The following PTPRS variants were observed in gnomAD, a reference collection of about 807,000 sequenced individuals.
PTPRS encodes receptor-type tyrosine-protein phosphatase S.
PTPRS carries 63 observed loss-of-function variants against 215.3 expected under a neutral mutation model. That is an observed-to-expected ratio of 0.29 (90% confidence interval 0.24 to 0.36). The LOEUF (loss-of-function observed/expected upper bound fraction) is 0.36, where lower values mean the gene tolerates loss of function less well. Among genes scored for constraint, PTPRS ranks in the 10% least tolerant of loss-of-function variants. PTPRS has a pLI of 1.00. For synonymous variants in PTPRS, 1,404 were observed against 1,191.4 expected (o/e 1.18, Z -3.68); for missense variants, 2,258 against 2,825.8 (o/e 0.80, Z 4.56).
intron 2 of PTPRS, among the ~76,000 whole-genome samples, chr19:5,284,792 A>T (rs28452925): frequency 0.16 from 24,039 of 151,770 alleles, 2,217 homozygotes; most frequent in African/African-American, 0.23. Flanking sequence ...ACAAAAAATT[A>T]AAAAAATTAG....
At chr19:5,253,046 G>A (rs1471266794) in intron 9 of PTPRS, among the ~76,000 whole-genome samples, 1 of 152,078 alleles carries the variant, frequency 6.6e-6, no homozygotes, top group Non-Finnish European at 1.5e-5. Context: ...ACTACCTTTA[G>A]CCACTAACTC....
chr19:5,222,613 G>A, intron 18 of PTPRS, 76 bp downstream of exon 18: 2 of 1,398,028 alleles, frequency 1.4e-6, no homozygotes, highest in Non-Finnish European at 1.9e-6. Context: ...CCTGGGCAGG[G>A]GAGAGGGAGG....
chr19:5,215,444 G>C, intron 27 of PTPRS, 32 bp from the exon 28 acceptor site: 2 of 1,611,310 alleles, frequency 1.2e-6, no homozygotes. Context: ...CGGGTGTCAG[G>C]GTAGGTGCCT....
chr19:5,291,986 A>G lies in PTPRS; in HGVS notation c.-94-5752T>C, dbSNP rs2048859739. Among the ~76,000 whole-genome samples, 6 of 151,390 alleles carry G rather than the reference A, an allele frequency of 4.0e-5. 1 individual carries two copies. The highest frequency in any genetic ancestry group is 1.5e-4 in the African/African-American group (6 of 41,150). On this transcript the variant is annotated intron_variant, in intron 1 of 37. Coordinates refer to ENST00000262963, the MANE Select transcript of PTPRS (RefSeq NM_002850.4). ...CCTTCCACCCAGCATACCCTTTCACATCCTCATCAAATCTCAGCCCTCATA... is the reference window on the plus strand; with the variant it reads ...CCTTCCACCCAGCATACCCTTTCACGTCCTCATCAAATCTCAGCCCTCATA...
rs745926631 is a variant in PTPRS at position 5,258,006 on chromosome 19, G to A, written c.706+11C>T. 2.6e-5 allele frequency: 42 copies of A among 1,610,310 alleles called. No homozygotes were observed. Among genetic ancestry groups the A allele is most frequent in the Non-Finnish European group, 3.0e-5 (35 of 1,177,360 alleles). On this transcript the variant is annotated intron_variant, in intron 8 of 37. Transcript: ENST00000262963. Reference sequence around the variant, plus strand: ...GGTCCCTGCCTTTGACCTGGACGCGGCGTTCCCTACCTCGCACGTAGAGGT... The same window carrying A: ...GGTCCCTGCCTTTGACCTGGACGCGACGTTCCCTACCTCGCACGTAGAGGT...
intron 1 of PTPRS, among the ~76,000 whole-genome samples, chr19:5,310,318 CTTTTTTT>C (rs35505548): frequency 7.4e-6 from 1 of 134,342 alleles, no homozygotes; most frequent in Non-Finnish European, 1.6e-5. Flanking sequence ...TTTTTCTTTT[CTTTTTTT>C]TTTTTTTTTT....
chr19:5,226,577 CAAAAA>C (rs537275736), intron 16 of PTPRS, among the ~76,000 whole-genome samples: 5 of 106,358 alleles, frequency 4.7e-5, no homozygotes, highest in African/African-American at 6.7e-5. Context: ...CTAAAAATAC[CAAAAA>C]AAAAAAAAAA....
intron 7 of PTPRS, among the ~76,000 whole-genome samples, chr19:5,259,905 G>A (rs1185335347): frequency 6.6e-6 from 1 of 152,188 alleles, no homozygotes; most frequent in Non-Finnish European, 1.5e-5. Flanking sequence ...TGGGAAGCAG[G>A]CAGTATCTCC....
In PTPRS at chr19:5,262,982, TA is replaced by T; in HGVS notation, c.569-11del. 1 of 1,356,152 alleles carries T rather than the reference TA, an allele frequency of 7.4e-7. No individual in the cohort carries two copies. 84.0% of individuals were successfully genotyped at this position (1,356,152 alleles called of 1,614,324 possible). A position where few individuals can be genotyped will look rare whatever the true frequency, so the allele number is the denominator to read the frequency against. On this transcript the variant is annotated splice_polypyrimidine_tract_variant and intron_variant, in intron 5 of 37. Coordinates refer to ENST00000262963, the MANE Select transcript of PTPRS (RefSeq NM_002850.4). Reference sequence around the variant, plus strand: ...GACTTACCAAAGGTTTCTGAACGTTTACAACAGGAGGATAAGAAAAGAGAAC... The same window carrying T: ...GACTTACCAAAGGTTTCTGAACGTTTCAACAGGAGGATAAGAAAAGAGAAC...
chr19:5,229,461 T>C, intron 15 of PTPRS, 30 bp downstream of exon 15: 2 of 1,375,402 alleles, frequency 1.5e-6, no homozygotes, highest in South Asian at 3.4e-5. Context: ...CCGGAGCCCG[T>C]CCCCGGCCCC....
rs372506721 is a variant in PTPRS at position 5,221,096 on chromosome 19, T to G, written c.3359A>C (p.Asn1120Thr). Residue 1120 changes from asparagine to threonine, a missense_variant, in exon 20 of 38, where the codon AAC becomes ACC. Coordinates refer to ENST00000262963, the MANE Select transcript of PTPRS (RefSeq NM_002850.4). ...QQTVTAWTAF[N>T]LLNGKPSVAP... ...GACGCTGGGCTTGCCGTTGAGCAGG[T>G]TGAAGGCAGTCCAGGCGGTGACCGT... is the stretch of plus-strand genomic sequence containing the variant. The G allele has an allele frequency of 1.9e-6, 3 of 1,613,828 alleles. No individual in the cohort carries two copies. The highest frequency in any genetic ancestry group is 1.7e-6 in the Non-Finnish European group (2 of 1,179,990).
chr19:5,309,017 C>G (rs754395344), intron 1 of PTPRS, among the ~76,000 whole-genome samples: 1 of 152,180 alleles, frequency 6.6e-6, no homozygotes, highest in Non-Finnish European at 1.5e-5. Context: ...CCCCCTGGCC[C>G]TACAGCCTGC....
intron 1 of PTPRS, among the ~76,000 whole-genome samples, chr19:5,307,912 G>A (rs926726866): frequency 6.6e-6 from 1 of 152,162 alleles, no homozygotes; most frequent in African/African-American, 2.4e-5. Flanking sequence ...GTCTATGGCT[G>A]CTTTCACGCT....
chr19:5,221,080 C>T lies in PTPRS; in HGVS notation c.3375G>A (p.Lys1125=), dbSNP rs1166963894. 6 of 1,613,970 alleles carry T rather than the reference C, an allele frequency of 3.7e-6. No individual in the cohort carries two copies. The highest frequency in any genetic ancestry group is 5.1e-6 in the Non-Finnish European group (6 of 1,180,008). The part of the protein sequence containing the change: ...AWTAFNLLNG[K]PSVAPKPDAD... ...CATCAGGCTTGGGGGCGACGCTGGG[C>T]TTGCCGTTGAGCAGGTTGAAGGCAG... Residue 1125 remains lysine (K), a synonymous_variant, in exon 20 of 38, where the codon AAG becomes AAA. Transcript: ENST00000262963.
At chr19:5,216,913 C>G in intron 25 of PTPRS, 146 bp from the exon 26 acceptor site, 1 of 631,394 alleles carries the variant, frequency 1.6e-6, no homozygotes, top group Non-Finnish European at 2.9e-6. Flanking sequence ...ACCTGGGCCC[C>G]CACCTGAGGA....
chr19:5,254,252 C>T (rs934165101), intron 9 of PTPRS, among the ~76,000 whole-genome samples: 1 of 152,208 alleles, frequency 6.6e-6, no homozygotes, highest in Non-Finnish European at 1.5e-5. Context: ...ATCTAAAGTC[C>T]TCTTGCCAAC....
chr19:5,317,405 G>A (rs553995466), intron 1 of PTPRS, among the ~76,000 whole-genome samples: 1 of 152,226 alleles, frequency 6.6e-6, no homozygotes, highest in Non-Finnish European at 1.5e-5. Flanking sequence ...CTGGGAGGTG[G>A]AGGTTGCAGT....
chr19:5,274,630 ACACAG>A (rs2047202419), intron 2 of PTPRS, among the ~76,000 whole-genome samples: 3 of 101,758 alleles, frequency 2.9e-5, no homozygotes, highest in Non-Finnish European at 6.2e-5. Flanking sequence ...ACCTGCTCAG[ACACAG>A]TGGATACAAC....
Position 5,284,421 on chromosome 19 carries a change from A to G in PTPRS, c.91+1629T>C, listed in dbSNP as rs1057508584. ...TAAATAAATAAATAAATAAATAAAA[A>G]TTAGCCAGGTCAGGCACAGTGGCTC... On this transcript the variant is annotated intron_variant, in intron 2 of 37. Coordinates refer to ENST00000262963, the MANE Select transcript of PTPRS (RefSeq NM_002850.4). Among the ~76,000 whole-genome samples, 24 of 145,928 alleles carry G rather than the reference A, an allele frequency of 1.6e-4. 3 individuals carry two copies. Among genetic ancestry groups the G allele is most frequent in the Admixed American group, 6.9e-4 (10 of 14,566 alleles).
Sources: gnomAD v4.1 joint callset for allele counts (sites outside exome capture counted in the v4.1 genomes callset) on GRCh38, gnomAD v4.1.1 for gene constraint, MANE v1.5 for transcripts, NCBI Gene and HGNC (gene_info 2026-07-23, HGNC 2026-07-21) for gene names.